NCOA2: variants seen among roughly 807,000 people sequenced by gnomAD.
NCOA2 encodes the protein nuclear receptor coactivator 2.
In NCOA2, 21 loss-of-function variants were observed where a neutral mutation model predicts 145.1. That is an observed-to-expected ratio of 0.14 (90% CI 0.10 to 0.21). NCOA2 has a LOEUF of 0.21. NCOA2 is among the 10% of genes least tolerant of loss of function. NCOA2 has a pLI of 1.00. For missense variants in NCOA2, 1,472 were observed against 1,837.6 expected, an observed-to-expected ratio of 0.80 and a Z score of 3.64; for synonymous variants, 619 against 637.5, an observed-to-expected ratio of 0.97 and a Z score of 0.44.
chr8:70,232,133 T>C (rs971389746), intron 2 of NCOA2, among the ~76,000 whole-genome samples: 3 of 152,188 alleles, frequency 2.0e-5, no homozygotes, highest in African/African-American at 4.8e-5. Flanking sequence ...CACAAACTCC[T>C]AGCACACTAG....
Position 70,128,776 on chromosome 8 carries a change from T to C in NCOA2, c.3529A>G (p.Arg1177Gly). The change falls in exon 17 of 23, where the codon AGG (arginine) becomes GGG (glycine). Residue 1177 changes from arginine (R) to glycine (G), a missense_variant. Around this residue, in one of 4 missense-constraint regions of NCOA2, gnomAD observed 953 missense variants for 1,062.1 expected, o/e 0.90. Coordinates refer to ENST00000452400, the MANE Select transcript of NCOA2 (RefSeq NM_006540.4). ...TGGTTCTGCACTAGGCCCGTGGGCC[T>C]GAGGCCCGGTCTGGGCTGCATACGG... is the stretch of plus-strand genomic sequence containing the variant. ...TLRMQPRPGL[R>G]PTGLVQNQPN... is the part of the protein sequence containing the mutation. 6.2e-7 allele frequency: 1 copy of C among 1,614,054 alleles called. No homozygotes were observed. Among genetic ancestry groups the C allele is most frequent in the South Asian group, 1.1e-5 (1 of 91,092 alleles).
chr8:70,232,391 A>T (rs181080290), intron 2 of NCOA2, among the ~76,000 whole-genome samples: 1 of 152,254 alleles, frequency 6.6e-6, no homozygotes, highest in East Asian at 1.9e-4. Flanking sequence ...GGGTTTCTAA[A>T]ATTGCCCAGG....
the NCOA2 span, among the ~76,000 whole-genome samples, chr8:70,435,424 CAAAAA>C: frequency 1.7e-3 from 35 of 20,146 alleles, no homozygotes; most frequent in South Asian, 0.048. Flanking sequence ...GACTCCGTCT[CAAAAA>C]AAAAAAAAAA....
chr8:70,289,085 G>GT (rs1434775588), intron 2 of NCOA2, among the ~76,000 whole-genome samples: 1 of 152,126 alleles, frequency 6.6e-6, no homozygotes, highest in Non-Finnish European at 1.5e-5. Flanking sequence ...ATATAATAGC[G>GT]TAAGTAATCA....
Position 70,392,167 on chromosome 8 carries a change from T to C in NCOA2, c.-77+11533A>G, listed in dbSNP as rs1813267578. 2.0e-5 allele frequency among the ~76,000 whole-genome samples: 3 copies of C among 152,220 alleles called. No individual in the cohort carries two copies. In the South Asian group the frequency reaches 6.2e-4, roughly 32 times the overall value. On this transcript the variant is annotated intron_variant, in intron 1 of 22. Coordinates refer to ENST00000452400, the MANE Select transcript of NCOA2 (RefSeq NM_006540.4). ...AGTCCTCCCTAAACCCCAATACTTT[T>C]CTAGCAGGTTTTTTTGTCAGGAACT... is the stretch of plus-strand genomic sequence containing the variant.
chr8:70,168,055 A>G (rs1813830247), intron 6 of NCOA2, among the ~76,000 whole-genome samples: 1 of 152,232 alleles, frequency 6.6e-6, no homozygotes, highest in Non-Finnish European at 1.5e-5. Context: ...AGGGTGAGTC[A>G]TAAGAAAACT....
chr8:70,355,385 A>C (rs1318118473), intron 1 of NCOA2, among the ~76,000 whole-genome samples: 1 of 152,194 alleles, frequency 6.6e-6, no homozygotes, highest in East Asian at 1.9e-4. Context: ...TTTGATATTG[A>C]GCCTACATGT....
chr8:70,230,437 G>A (rs1389845563), intron 2 of NCOA2, among the ~76,000 whole-genome samples: 1 of 152,084 alleles, frequency 6.6e-6, no homozygotes, highest in African/African-American at 2.4e-5. Context: ...GAATACTCCT[G>A]AATTGTACAC....
chr8:70,366,360 G>T (rs1389552661), intron 1 of NCOA2, among the ~76,000 whole-genome samples: 1 of 152,086 alleles, frequency 6.6e-6, no homozygotes, highest in Non-Finnish European at 1.5e-5. Flanking sequence ...TCTCTAGCAG[G>T]CTCTGTACAG....
chr8:70,448,015 T>C, the NCOA2 span, among the ~76,000 whole-genome samples: 1 of 152,214 alleles, frequency 6.6e-6, no homozygotes, highest in African/African-American at 2.4e-5. Context: ...TTACTGATCT[T>C]TGACAATCTT....
chr8:70,196,860 T>C (rs1817374379), intron 4 of NCOA2, among the ~76,000 whole-genome samples: 1 of 152,264 alleles, frequency 6.6e-6, no homozygotes, highest in African/African-American at 2.4e-5. Context: ...GGCTGCAGAA[T>C]AACCAGACTG....
chr8:70,351,800 G>C (rs1454692436), intron 1 of NCOA2, among the ~76,000 whole-genome samples: 1 of 105,526 alleles, frequency 9.5e-6, no homozygotes, highest in East Asian at 2.9e-4. Flanking sequence ...TCACTATTTT[G>C]TCCAGGCTGT....
intron 2 of NCOA2, among the ~76,000 whole-genome samples, chr8:70,256,189 C>T (rs1823623120): frequency 6.6e-6 from 1 of 152,144 alleles, no homozygotes; most frequent in South Asian, 2.1e-4. Flanking sequence ...ACCACCTGTC[C>T]CTCTCATTTT....
chr8:70,324,429 T>C (rs1165506177), intron 1 of NCOA2, among the ~76,000 whole-genome samples: 3 of 152,190 alleles, frequency 2.0e-5, no homozygotes. Flanking sequence ...CTCAAACTTA[T>C]TGGGCGCAAG....
At chr8:70,322,396 GA>G (rs1298308669) in intron 1 of NCOA2, among the ~76,000 whole-genome samples, 1 of 152,008 alleles carries the variant, frequency 6.6e-6, no homozygotes, top group Non-Finnish European at 1.5e-5. Context: ...ATTCACTACA[GA>G]AAACTGTAGA....
At chr8:70,266,127 G>T (rs927095781) in intron 2 of NCOA2, among the ~76,000 whole-genome samples, 7 of 152,216 alleles carry the variant, frequency 4.6e-5, no homozygotes, top group South Asian at 2.1e-4. Context: ...TCCAGCCTGG[G>T]TGACAGAGTG....
chr8:70,383,654 C>T (rs1812411479), intron 1 of NCOA2, among the ~76,000 whole-genome samples: 1 of 152,032 alleles, frequency 6.6e-6, no homozygotes, highest in South Asian at 2.1e-4. Context: ...TACAGGCATA[C>T]ACCACCACAC....
At chr8:70,314,409 T>G (rs1306444286) in intron 1 of NCOA2, among the ~76,000 whole-genome samples, 1 of 152,066 alleles carries the variant, frequency 6.6e-6, no homozygotes, top group Admixed American at 6.6e-5. Flanking sequence ...AGGAATTATG[T>G]CTAAACTACT....
chr8:70,309,392 G>A (rs759361569), intron 1 of NCOA2, among the ~76,000 whole-genome samples: 6 of 149,478 alleles, frequency 4.0e-5, no homozygotes, highest in Non-Finnish European at 8.9e-5. Flanking sequence ...GAAACATCTC[G>A]GGCAGACAAG....
Sources: allele counts gnomAD v4.1 joint callset (sites outside exome capture counted in the v4.1 genomes callset), GRCh38; gene constraint gnomAD v4.1.1; regional missense constraint gnomAD v4.1.1; transcripts MANE v1.5; gene names NCBI Gene and HGNC (gene_info 2026-07-23, HGNC 2026-07-21).